Variants in ADAMTSL1 observed in about 807,000 individuals in gnomAD.
ADAMTSL1 encodes ADAMTS-like protein 1.
ADAMTSL1 carries 126 observed loss-of-function variants against 201.8 expected under a neutral mutation model. The observed-to-expected ratio is 0.62, with a 90% CI of 0.54 to 0.72. The LOEUF is 0.72. ADAMTSL1 is among the 30% of genes least tolerant of loss of function. The pLI is 0.00. For missense variants in ADAMTSL1, 2,679 were observed against 2,277.8 expected (o/e 1.18, Z -3.59); for synonymous variants, 1,121 against 903.4 (o/e 1.24, Z -4.32).
intron 15 of ADAMTSL1, among the ~76,000 whole-genome samples, chr9:18,738,578 A>T (rs568116): frequency 7.2e-5 from 11 of 152,034 alleles, no homozygotes; most frequent in Non-Finnish European, 1.6e-4. Context: ...GTGTAATCCA[A>T]TGTTCTTATT....
intron 4 of ADAMTSL1, among the ~76,000 whole-genome samples, chr9:18,586,362 T>C (rs939162578): frequency 1.3e-5 from 2 of 152,012 alleles, no homozygotes; most frequent in African/African-American, 4.8e-5. Flanking sequence ...GAATAAAATA[T>C]CTAAGAATAC....
chr9:18,369,118 G>C (rs1265395051), intron 2 of ADAMTSL1, among the ~76,000 whole-genome samples: 1 of 152,146 alleles, frequency 6.6e-6, no homozygotes, highest in Non-Finnish European at 1.5e-5. Context: ...TAGAAAAAAA[G>C]TTGGCTAATG....
At chr9:18,437,233 C>A (rs541063720) in intron 2 of ADAMTSL1, among the ~76,000 whole-genome samples, 4 of 152,296 alleles carry the variant, frequency 2.6e-5, no homozygotes, top group African/African-American at 4.8e-5. Flanking sequence ...GCAACAGCAT[C>A]CACCTACCTA....
intron 2 of ADAMTSL1, among the ~76,000 whole-genome samples, chr9:18,311,052 T>C (rs1834133518): frequency 6.6e-6 from 1 of 152,030 alleles, no homozygotes; most frequent in African/African-American, 2.4e-5. Flanking sequence ...ATGTCCTTTG[T>C]AGGGACATGG....
intron 4 of ADAMTSL1, among the ~76,000 whole-genome samples, chr9:18,588,059 A>G (rs1051654496): frequency 2.0e-5 from 3 of 152,166 alleles, no homozygotes; most frequent in African/African-American, 7.2e-5. Context: ...ACTGTTTTCT[A>G]TAATGAGTGT....
At chr9:18,891,684 C>CTGTT (rs1384961273) in intron 25 of ADAMTSL1, among the ~76,000 whole-genome samples, 1 of 152,202 alleles carries the variant, frequency 6.6e-6, no homozygotes, top group Non-Finnish European at 1.5e-5. Flanking sequence ...GGAACTTTAC[C>CTGTT]TGTTTCTGAG....
At chr9:18,227,149 C>G (rs993471244) in intron 2 of ADAMTSL1, among the ~76,000 whole-genome samples, 1 of 152,152 alleles carries the variant, frequency 6.6e-6, no homozygotes, top group African/African-American at 2.4e-5. Context: ...CCTCAAAACA[C>G]AAATGGTTAC....
Position 18,436,375 on chromosome 9 carries a change from T to G in ADAMTSL1, c.208-68454T>G, listed in dbSNP as rs144535006. 9.6e-3 allele frequency among the ~76,000 whole-genome samples: 1,457 copies of G among 152,280 alleles called. 20 individuals are homozygous for G. Among genetic ancestry groups the G allele is most frequent in the African/African-American group, 0.026 (1,072 of 41,548 alleles). ...GCACCTCCTCAAGCACATCACTCTT[T>G]TCATGCTCTGCTCTTTTCCCAATAT... On this transcript the variant is annotated intron_variant, in intron 2 of 29. Transcript: ENST00000680146.
At chr9:18,904,731 GC>G (rs1830203141) in intron 26 of ADAMTSL1, among the ~76,000 whole-genome samples, 1 of 96,536 alleles carries the variant, frequency 1.0e-5, no homozygotes, top group Non-Finnish European at 1.9e-5. Context: ...TGTTAAGGGG[GC>G]TTTTTTTTTT....
chr9:18,083,357 C>G (rs62548510), intron 1 of ADAMTSL1, among the ~76,000 whole-genome samples: 27,802 of 152,148 alleles, frequency 0.18, 2,845 homozygotes, highest in African/African-American at 0.27. Context: ...AGATATTCAT[C>G]TAAAATTGGC....
intron 1 of ADAMTSL1, among the ~76,000 whole-genome samples, chr9:18,041,122 C>T (rs1821409587): frequency 6.6e-6 from 1 of 152,086 alleles, no homozygotes; most frequent in Non-Finnish European, 1.5e-5. Flanking sequence ...GGTTGAAAAA[C>T]CAGCAGTTCT....
intron 16 of ADAMTSL1, among the ~76,000 whole-genome samples, chr9:18,755,683 G>A (rs546543379): frequency 6.6e-6 from 1 of 152,110 alleles, no homozygotes; most frequent in Non-Finnish European, 1.5e-5. Context: ...ATTTGAAACA[G>A]TGGACTTCCA....
chr9:18,689,832 G>C (rs1564153714), intron 13 of ADAMTSL1, among the ~76,000 whole-genome samples: 1 of 152,204 alleles, frequency 6.6e-6, no homozygotes, highest in Non-Finnish European at 1.5e-5. Context: ...AGGTAGGATT[G>C]GGTAGTCCTT....
rs186371861 is a variant in ADAMTSL1 at position 17,972,280 on chromosome 9, A to T, written c.87+65358A>T. On this transcript the variant is annotated intron_variant, in intron 1 of 29. Coordinates refer to the ADAMTSL1 transcript ENST00000680146. ...TGCATCCATTAACTCGTCATTTAGC[A>T]TTAAGTATATCTCCTAATGCTATCC... is the stretch of plus-strand genomic sequence containing the variant. Among the ~76,000 whole-genome samples the T allele has an allele frequency of 2.3e-5, 3 of 131,012 alleles. No individual in the cohort carries two copies. In the Admixed American group the frequency reaches 2.4e-4, roughly 10 times the overall value. 85.9% of individuals were successfully genotyped at this position (131,012 alleles called of 152,430 possible).
chr9:18,618,956 A>C (rs1473481011), intron 4 of ADAMTSL1, among the ~76,000 whole-genome samples: 2 of 152,218 alleles, frequency 1.3e-5, no homozygotes, highest in African/African-American at 4.8e-5. Context: ...AACCTCTGCC[A>C]CATGGAGGTA....
intron 2 of ADAMTSL1, among the ~76,000 whole-genome samples, chr9:18,411,981 C>T (rs535866625): frequency 1.3e-5 from 2 of 152,322 alleles, no homozygotes; most frequent in East Asian, 3.9e-4. Flanking sequence ...TTGCACATCA[C>T]ATTTAGGTCT....
At chr9:18,806,269 C>G (rs1331457235) in intron 20 of ADAMTSL1, among the ~76,000 whole-genome samples, 1 of 152,178 alleles carries the variant, frequency 6.6e-6, no homozygotes, top group African/African-American at 2.4e-5. Flanking sequence ...AATTGCACAA[C>G]AGAGTTTTTG....
At chr9:18,493,506 T>G (rs970928280) in intron 1 of ADAMTSL1, among the ~76,000 whole-genome samples, 3 of 152,206 alleles carry the variant, frequency 2.0e-5, no homozygotes, top group Non-Finnish European at 4.4e-5. Context: ...GGATGAAAAT[T>G]GTTTACTCAG....
chr9:18,776,785 C>G lies in ADAMTSL1; in HGVS notation c.2556C>G (p.Pro852=), dbSNP rs764092800. The change falls in exon 19 of 29, where the codon CCC becomes CCG. Residue 852 remains proline (P), a synonymous_variant. Transcript: ENST00000380548. ...RPCMLATCAR[P]GRPSTKHSPH... ...TCGGGTTCGCTCTCCTTCCAGGGCC[C>G]GGGCGGCCATCCACGAAGCACAGCC... 3.2e-6 allele frequency: 5 copies of G among 1,546,428 alleles called. No individual in the cohort carries two copies. Among genetic ancestry groups the G allele is most frequent in the Non-Finnish European group, 4.4e-6 (5 of 1,146,648 alleles).
Sources: allele counts gnomAD v4.1 joint callset (sites outside exome capture counted in the v4.1 genomes callset), GRCh38; gene constraint gnomAD v4.1.1; transcripts MANE v1.5; gene names NCBI Gene and HGNC (gene_info 2026-07-23, HGNC 2026-07-21).